Variants in IGF1R observed in about 807,000 individuals in gnomAD.
IGF1R encodes the protein insulin-like growth factor 1 receptor.
A neutral mutation model predicts 144.6 loss-of-function variants in IGF1R; 44 were observed. The observed-to-expected ratio is 0.30, with a 90% CI of 0.24 to 0.39. The LOEUF is 0.39. IGF1R is among the 10% of genes least tolerant of loss of function. IGF1R has a pLI of 1.00. For missense variants in IGF1R, 1,355 were observed against 1,833.7 expected, an observed-to-expected ratio of 0.74 and a Z score of 4.77; for synonymous variants, 795 against 722.8, an observed-to-expected ratio of 1.10 and a Z score of -1.60.
At chr15:98,917,143 G>C (rs932773386) in intron 10 of IGF1R, among the ~76,000 whole-genome samples, 7 of 152,200 alleles carry the variant, frequency 4.6e-5, no homozygotes, top group African/African-American at 1.4e-4. Context: ...CCCCCACAGA[G>C]AGCAGGTGGG....
intron 2 of IGF1R, among the ~76,000 whole-genome samples, chr15:98,766,413 A>G (rs2055438926): frequency 6.6e-6 from 1 of 152,178 alleles, no homozygotes; most frequent in African/African-American, 2.4e-5. Flanking sequence ...TTTATACTTT[A>G]AAGTAGGTAT....
chr15:98,845,865 C>A lies in IGF1R; in HGVS notation c.641-45460C>A, dbSNP rs117104692. On this transcript the variant is annotated intron_variant, in intron 2 of 20. Coordinates refer to ENST00000650285, the MANE Select transcript of IGF1R (RefSeq NM_000875.5). ...TAGATGCAGTGAATCTTAAAGGTGCCCTAACTAAAATTTTTGTGCTATAAA... is the reference window on the plus strand; with the variant it reads ...TAGATGCAGTGAATCTTAAAGGTGCACTAACTAAAATTTTTGTGCTATAAA... 1.2e-3 allele frequency among the ~76,000 whole-genome samples: 186 copies of A among 152,108 alleles called. 2 individuals are homozygous for A. The highest frequency in any genetic ancestry group is 3.9e-3 in the Admixed American group (59 of 15,294).
chr15:98,919,294 G>A (rs1327813413), intron 10 of IGF1R, among the ~76,000 whole-genome samples: 2 of 152,140 alleles, frequency 1.3e-5, no homozygotes, highest in Admixed American at 1.3e-4. Flanking sequence ...CCTGCTGCCC[G>A]CCACACGGAA....
chr15:98,909,836 C>G (rs2151672026), intron 6 of IGF1R, among the ~76,000 whole-genome samples: 1 of 152,310 alleles, frequency 6.6e-6, no homozygotes, highest in Admixed American at 6.5e-5. Flanking sequence ...ACTTTAAGGT[C>G]TCATATCAGA....
At chr15:98,689,823 TGTGA>T (rs1007358263) in intron 1 of IGF1R, among the ~76,000 whole-genome samples, 1 of 152,050 alleles carries the variant, frequency 6.6e-6, no homozygotes, top group Non-Finnish European at 1.5e-5. Context: ...CAGCCAGCGG[TGTGA>T]GTGAGGGCAG....
At chr15:98,861,352 C>T (rs2012143776) in intron 2 of IGF1R, among the ~76,000 whole-genome samples, 3 of 152,264 alleles carry the variant, frequency 2.0e-5, no homozygotes, top group African/African-American at 7.2e-5. Flanking sequence ...ACTATTAGCT[C>T]CGCCCTCCTA....
chr15:98,867,725 G>A (rs2012532022), intron 2 of IGF1R, among the ~76,000 whole-genome samples: 1 of 152,076 alleles, frequency 6.6e-6, no homozygotes, highest in Non-Finnish European at 1.5e-5. Flanking sequence ...TATTTAATAA[G>A]AACTTAAAAG....
chr15:98,919,973 T>C (rs1332963832), intron 10 of IGF1R, among the ~76,000 whole-genome samples: 1 of 152,260 alleles, frequency 6.6e-6, no homozygotes, highest in African/African-American at 2.4e-5. Flanking sequence ...ATATCCTGTA[T>C]GTTTTGAAGT....
chr15:98,940,851 G>A (rs1275742439), intron 18 of IGF1R, among the ~76,000 whole-genome samples: 1 of 152,204 alleles, frequency 6.6e-6, no homozygotes, highest in East Asian at 1.9e-4. Flanking sequence ...CCTAGGTTTG[G>A]CACGTTGAGA....
intron 1 of IGF1R, among the ~76,000 whole-genome samples, chr15:98,679,991 A>C (rs2053148832): frequency 6.6e-6 from 1 of 152,154 alleles, no homozygotes; most frequent in Admixed American, 6.5e-5. Flanking sequence ...ATAGAATAAG[A>C]ATATAAAGAA....
chr15:98,898,724 T>A (rs908853208), intron 4 of IGF1R, among the ~76,000 whole-genome samples: 2 of 152,250 alleles, frequency 1.3e-5, no homozygotes, highest in African/African-American at 4.8e-5. Flanking sequence ...TTCATTATAG[T>A]GTTTATTATA....
rs761381719 is a variant in IGF1R at position 98,908,703 on chromosome 15, C to A, written c.1266C>A (p.Val422=). Residue 422 remains valine (V), a synonymous_variant, in exon 6 of 21, where the codon GTC becomes GTA. Transcript: ENST00000650285. ...CTTCTAGGAATTACTCCTTCTACGT[C>A]CTCGACAACCAGAACTTGCAGCAAC... ...EQLEGNYSFY[V]LDNQNLQQLW... 30 of 1,613,940 alleles carry A rather than the reference C, an allele frequency of 1.9e-5. No individual in the cohort carries two copies. The highest frequency in any genetic ancestry group is 2.5e-5 in the Non-Finnish European group (29 of 1,179,986).
At chr15:98,688,414 CTGTGTGTGTGTGTGTGTGTG>C (rs10528336) in intron 1 of IGF1R, among the ~76,000 whole-genome samples, 1 of 143,506 alleles carries the variant, frequency 7.0e-6, no homozygotes, top group African/African-American at 2.6e-5. Context: ...CAACACACAC[CTGTGTGTGTGTGTGTGTGTG>C]TGTGTGTGTG....
rs76891001 is a variant in IGF1R, at chr15:98,715,042, G to A, written c.640+6935G>A. Among the ~76,000 whole-genome samples, 948 of 152,310 alleles carry A rather than the reference G, an allele frequency of 6.2e-3. 9 individuals carry two copies. Among genetic ancestry groups the A allele is most frequent in the Non-Finnish European group, 8.4e-3 (570 of 68,038 alleles). Reference sequence around the variant, plus strand: ...TGTGTTGTTGGTAGGAACTTGTCTCGGTTGCCCTGGAAGGCCTCTGCTCTG... The same window carrying A: ...TGTGTTGTTGGTAGGAACTTGTCTCAGTTGCCCTGGAAGGCCTCTGCTCTG... On this transcript the variant is annotated intron_variant, in intron 2 of 20. Transcript: ENST00000650285.
intron 2 of IGF1R, among the ~76,000 whole-genome samples, chr15:98,809,918 A>AG (rs2056549599): frequency 6.6e-6 from 1 of 152,184 alleles, no homozygotes; most frequent in South Asian, 2.1e-4. Flanking sequence ...TGGGGAAAGG[A>AG]GAGGTGTATA....
intron 2 of IGF1R, among the ~76,000 whole-genome samples, chr15:98,877,960 C>T (rs984767914): frequency 3.9e-5 from 6 of 152,162 alleles, no homozygotes; most frequent in African/African-American, 1.2e-4. Context: ...GGGGCTTTTG[C>T]GTAGGTTGTT....
chr15:98,822,635 C>T (rs1415562330), intron 2 of IGF1R, among the ~76,000 whole-genome samples: 1 of 152,214 alleles, frequency 6.6e-6, no homozygotes, highest in African/African-American at 2.4e-5. Context: ...TATGAGGAAG[C>T]TTTTTCCTTT....
intron 17 of IGF1R, among the ~76,000 whole-genome samples, chr15:98,936,061 C>T (rs2016135339): frequency 6.6e-6 from 1 of 152,198 alleles, no homozygotes; most frequent in African/African-American, 2.4e-5. Context: ...GATGTGCACT[C>T]ATTCATAAAC....
At chr15:98,661,383 T>C (rs1014803866) in intron 1 of IGF1R, among the ~76,000 whole-genome samples, 1 of 152,226 alleles carries the variant, frequency 6.6e-6, no homozygotes, top group East Asian at 1.9e-4. Context: ...AGGGGACTCC[T>C]GAACTTAATG....
Sources: gnomAD v4.1 joint callset for allele counts (sites outside exome capture counted in the v4.1 genomes callset) on GRCh38, gnomAD v4.1.1 for gene constraint, MANE v1.5 for transcripts, NCBI Gene and HGNC (gene_info 2026-07-23, HGNC 2026-07-21) for gene names.